The following MUC12 variants were observed in gnomAD, a reference collection of about 807,000 sequenced individuals.
MUC12 encodes mucin 12, cell surface associated, also known as mucin-12.
A neutral mutation model predicts 230.8 loss-of-function variants in MUC12; 172 were observed. The ratio of observed to expected loss-of-function variants is 0.75; its 90% CI spans 0.66 to 0.85. MUC12 has a LOEUF of 0.85. MUC12 is among the 40% of genes least tolerant of loss of function. The pLI, the probability that MUC12 is intolerant of heterozygous loss-of-function variation, is 0.00. For synonymous variants in MUC12, 1,259 were observed against 2,401.9 expected (o/e 0.52, Z 13.91); for missense variants, 3,506 against 5,920.6 (o/e 0.59, Z 13.38).
chr7:100,969,975 GGA>G (rs1491084508), intron 1 of MUC12, among the ~76,000 whole-genome samples: 5 of 152,286 alleles, frequency 3.3e-5, no homozygotes, highest in East Asian at 1.9e-4. Context: ...GCTCCCCCCG[GGA>G]GGATGAAGGG....
chr7:100,970,238 G>C (rs934682641), intron 1 of MUC12, among the ~76,000 whole-genome samples: 3 of 152,298 alleles, frequency 2.0e-5, no homozygotes, highest in Non-Finnish European at 2.9e-5. Flanking sequence ...TGTAATCCCA[G>C]CACTTTGGGA....
intron 9 of MUC12, 37 bp downstream of exon 9, chr7:101,014,111 AG>A: frequency 6.7e-7 from 1 of 1,497,794 alleles, no homozygotes; most frequent in South Asian, 1.3e-5. Context: ...GCCCACACAG[AG>A]GGGACAGATC....
chr7:101,012,780 T>C, intron 6 of MUC12, 39 bp from the exon 7 acceptor site: 1 of 1,524,828 alleles, frequency 6.6e-7, no homozygotes, highest in Non-Finnish European at 8.8e-7. Flanking sequence ...CAGAGGGAAG[T>C]GTTTCTATTC....
At chr7:100,988,289 G>GAAAAAAAA (rs1167163725) in intron 1 of MUC12, among the ~76,000 whole-genome samples, 6 of 78,702 alleles carry the variant, frequency 7.6e-5, no homozygotes, top group African/African-American at 1.4e-4. Flanking sequence ...GGCTGTCCCA[G>GAAAAAAAA]AAAAAAAAAA....
intron 9 of MUC12, 188 bp downstream of exon 9, chr7:101,014,262 T>C (rs958765623): frequency 5.6e-6 from 3 of 531,464 alleles, no homozygotes; most frequent in African/African-American, 1.9e-5. Context: ...GTAGGATACA[T>C]CAATTTGGCA....
In MUC12 at chr7:101,004,593, C is replaced by T. The variant is rs781122551; in HGVS notation, c.14030C>T (p.Ser4677Phe). The T allele has an allele frequency of 1.3e-6, 2 of 1,536,594 alleles. No individual in the cohort carries two copies. Among genetic ancestry groups the T allele is most frequent in the Non-Finnish European group, 1.7e-6 (2 of 1,146,172 alleles). ...CACTTTCCTGAGAGCTCCACAACCT[C>T]CGGCCGTAGTGAGGAATCAACAGCA... ...TTHFPESSTT[S>F]GRSEESTASH... Residue 4677 changes from serine to phenylalanine, a missense_variant, in exon 2 of 12, where the codon TCC becomes TTC. Ser to Phe is a radical substitution (Grantham distance 155). Coordinates refer to ENST00000536621, the MANE Select transcript of MUC12 (RefSeq NM_001164462.2).
chr7:100,977,491 G>A (rs1432007084), intron 1 of MUC12, among the ~76,000 whole-genome samples: 1 of 151,566 alleles, frequency 6.6e-6, no homozygotes, highest in Non-Finnish European at 1.5e-5. Context: ...TCAGCCTTCT[G>A]AGTAGCTGGG....
Position 100,995,705 on chromosome 7 carries a change from A to T in MUC12, c.5142A>T (p.Thr1714=). ...CATCAGCCTTTGTTGAGCTATCTAC[A>T]ACCTCCCACGGCAGCCCGAGCTCAA... ...TTTSAFVELS[T]TSHGSPSSTP... The change falls in exon 2 of 12, where the codon ACA becomes ACT. Residue 1714 remains threonine, a synonymous_variant. Transcript: ENST00000536621. 1.3e-6 allele frequency: 2 copies of T among 1,536,884 alleles called. No individual in the cohort carries two copies. Among genetic ancestry groups the T allele is most frequent in the Non-Finnish European group, 1.7e-6 (2 of 1,146,992 alleles).
intron 1 of MUC12, among the ~76,000 whole-genome samples, chr7:100,984,402 G>A (rs762829027): frequency 4.7e-4 from 71 of 151,562 alleles, no homozygotes; most frequent in Admixed American, 1.6e-3. Context: ...GATTACAGGC[G>A]CCCACCACCA....
chr7:101,003,459 C>T lies in MUC12; in HGVS notation c.12896C>T (p.Ala4299Val). 1 of 1,004,810 alleles carries T rather than the reference C, an allele frequency of 1.0e-6. No individual in the cohort carries two copies. The highest frequency in any genetic ancestry group is 1.4e-6 in the Non-Finnish European group (1 of 698,366). 62.2% of individuals were successfully genotyped at this position (1,004,810 alleles called of 1,614,324 possible). A position where few individuals can be genotyped will look rare whatever the true frequency, so the allele number is the denominator to read the frequency against. The change falls in exon 2 of 12, where the codon GCA (alanine) becomes GTA (valine). Residue 4299 changes from alanine (A) to valine (V), a missense_variant. Coordinates refer to ENST00000536621, the MANE Select transcript of MUC12 (RefSeq NM_001164462.2). ...DNTTASGLLEASTPVHSSTGS... is the reference protein window; with the variant it reads ...DNTTASGLLEVSTPVHSSTGS... ...ACCACAGCCTCAGGCCTCCTTGAAG[C>T]ATCTACACCCGTCCACAGCAGCACT...
At chr7:100,979,993 C>T (rs1372843764) in intron 1 of MUC12, among the ~76,000 whole-genome samples, 2 of 151,220 alleles carry the variant, frequency 1.3e-5, no homozygotes, top group East Asian at 3.9e-4. Context: ...CCACTGCGCT[C>T]CAGTCTGGGG....
intron 1 of MUC12, among the ~76,000 whole-genome samples, chr7:100,976,695 G>A (rs1793037589): frequency 6.6e-6 from 1 of 151,934 alleles, no homozygotes; most frequent in Non-Finnish European, 1.5e-5. Flanking sequence ...ACATTCCTAA[G>A]AAGAAGGATG....
chr7:101,005,314 A>C lies in MUC12; in HGVS notation c.14751A>C (p.Thr4917=). The C allele has an allele frequency of 6.5e-7, 1 of 1,537,800 alleles. No individual in the cohort carries two copies. The highest frequency in any genetic ancestry group is 8.7e-7 in the Non-Finnish European group (1 of 1,147,026). ...ACAGCAGCTCAGACGCAACTGGAAC[A>C]ACACCCTTACCTGCCCGCTCCACAG... ...AFHSSSDATG[T]TPLPARSTAS... is the part of the protein sequence containing the mutation. The change falls in exon 2 of 12, where the codon ACA becomes ACC. Residue 4917 remains threonine (T), a synonymous_variant. Coordinates refer to ENST00000536621, the MANE Select transcript of MUC12 (RefSeq NM_001164462.2).
Position 100,993,898 on chromosome 7 carries a change from C to G in MUC12, c.3335C>G (p.Thr1112Ser), listed in dbSNP as rs1226173129. Reference sequence around the variant, plus strand: ...TTCTACAGCAGCCCCAGATCACCAACCACAACACTCTCACCTGCCAGCATG... The same window carrying G: ...TTCTACAGCAGCCCCAGATCACCAAGCACAACACTCTCACCTGCCAGCATG... ...TTFYSSPRSP[T>S]TTLSPASMTS... The change falls in exon 2 of 12, where the codon ACC becomes AGC. Residue 1112 changes from threonine to serine, a missense_variant. Coordinates refer to ENST00000536621, the MANE Select transcript of MUC12 (RefSeq NM_001164462.2). 1.1e-5 allele frequency: 16 copies of G among 1,483,478 alleles called. 1 individual carries two copies. The Admixed American group carries it at 1.5e-4, about 14-fold the overall frequency. The allele number at this position is 1,483,478 out of a possible 1,614,324, so 91.9% of individuals were successfully genotyped here. A position where few individuals can be genotyped will look rare whatever the true frequency, so the allele number is the denominator to read the frequency against.
intron 10 of MUC12, chr7:101,017,350 T>C: frequency 1.9e-6 from 1 of 522,662 alleles, no homozygotes; most frequent in Non-Finnish European, 3.4e-6. Flanking sequence ...TGTGGGGGGC[T>C]TCTGCTCCGC....
At chr7:101,005,583 C>T in intron 2 of MUC12, 64 bp downstream of exon 2, 4 of 1,449,988 alleles carry the variant, frequency 2.8e-6, no homozygotes, top group Non-Finnish European at 3.7e-6. Context: ...GAGTCTTCTT[C>T]ATCCATTACA....
At position 101,009,761 on chromosome 7, in the gene MUC12, G is replaced by T. The variant is rs1793812870; in HGVS notation, c.15251+602G>T. Among the ~76,000 whole-genome samples the T allele has an allele frequency of 3.9e-5, 6 of 152,212 alleles. No individual in the cohort carries two copies. The South Asian group carries it at 1.2e-3, about 32-fold the overall frequency. ...GGGAAGGGAAGGAGAGGCAGTTGCA[G>T]CAGAGGGAATCGATGAGAAGAAGCC... On this transcript the variant is annotated intron_variant, in intron 5 of 11. Transcript: ENST00000536621.
At chr7:100,971,905 C>G (rs1483937589) in intron 1 of MUC12, among the ~76,000 whole-genome samples, 5 of 152,310 alleles carry the variant, frequency 3.3e-5, no homozygotes, top group African/African-American at 1.2e-4. Flanking sequence ...AGAGACGGCC[C>G]CCAAGCAACC....
intron 1 of MUC12, chr7:100,972,078 A>T (rs73168341): frequency 2.8e-6 from 2 of 702,258 alleles, no homozygotes; most frequent in Non-Finnish European, 5.2e-6. Context: ...GCTCCGGAAG[A>T]TCTGATTAGA....
Sources: gnomAD v4.1 joint callset for allele counts (sites outside exome capture counted in the v4.1 genomes callset) on GRCh38, gnomAD v4.1.1 for gene constraint, MANE v1.5 for transcripts, NCBI Gene and HGNC (gene_info 2026-07-23, HGNC 2026-07-21) for gene names.